ZNF548: variants seen among roughly 807,000 people sequenced by gnomAD.
ZNF548 encodes zinc finger protein 548.
A neutral mutation model predicts 10.2 loss-of-function variants in ZNF548; 10 were observed. That is an observed-to-expected ratio of 0.98 (90% CI 0.60 to 1.66). The LOEUF is 1.66. Ranked by LOEUF, ZNF548 falls within the 40% of genes most tolerant of loss-of-function variation. The probability of loss-of-function intolerance (pLI) is 0.00; values close to 1 mark genes in which losing one functional copy is unlikely to be tolerated. For missense variants in ZNF548, 599 were observed against 657.0 expected, an observed-to-expected ratio of 0.91 and a Z score of 0.97; for synonymous variants, 217 against 223.5, an observed-to-expected ratio of 0.97 and a Z score of 0.26.
chr19:57,394,098 C>G, intron 1 of ZNF548, 90 bp from the exon 2 acceptor site: 1 of 1,401,948 alleles, frequency 7.1e-7, no homozygotes, highest in Non-Finnish European at 9.8e-7. Context: ...TCAGTTTGCT[C>G]CCAGGCAGGG....
rs148815904 is a variant in ZNF548, at chr19:57,391,576, C to T, written c.15+1462C>T. ...TTGAGGTTGTACTTATTTACATTCT[C>T]ACCAACAGTGTGTAACCTTTTTCTC... On this transcript the variant is annotated intron_variant, in intron 1 of 3. Transcript: ENST00000336128. 8.2e-4 allele frequency among the ~76,000 whole-genome samples: 125 copies of T among 152,196 alleles called. 1 individual carries two copies. The East Asian group carries it at 0.021, about 26-fold the overall frequency.
In ZNF548 at chr19:57,395,422, G is replaced by A. The variant is rs1055506654; in HGVS notation, c.51+1199G>A. ...TGCTGTAAAGAACTACCTGAGACTG[G>A]GTAATTTATGAAGAAAAGAGGTTTA... On this transcript the variant is annotated intron_variant, in intron 2 of 3. Transcript: ENST00000336128. This position sits in a 1 kb window ranked among gnomAD's most constrained non-coding sequence, Gnocchi z 4.8. Among the ~76,000 whole-genome samples the A allele has an allele frequency of 3.8e-4, 58 of 152,186 alleles. No individual in the cohort carries two copies. The highest frequency in any genetic ancestry group is 1.3e-3 in the African/African-American group (54 of 41,500).
In ZNF548 at chr19:57,399,907, T is replaced by C; in HGVS notation, c.*18T>C. 6.6e-7 allele frequency: 1 copy of C among 1,507,228 alleles called. No homozygotes were observed. Among genetic ancestry groups the C allele is most frequent in the Middle Eastern group, 1.8e-4 (1 of 5,714 alleles). The allele number at this position is 1,507,228 out of a possible 1,614,324, so 93.4% of individuals were successfully genotyped here. ...ACCATTGACTATTGTAATTGGGTAG[T>C]AATGTTATATAAATTCCACATTTTT... On this transcript the variant is annotated 3_prime_UTR_variant, in exon 4 of 4. Coordinates refer to ENST00000336128, the MANE Select transcript of ZNF548 (RefSeq NM_001172773.2). The surrounding 1 kb of genome is among the most constrained non-coding windows in gnomAD (Gnocchi z 4.0).
In ZNF548 at chr19:57,402,200, G is replaced by A. The variant is rs2088722658; in HGVS notation, c.*2311G>A. The stretch of plus-strand genomic sequence containing the variant: ...CTTGGCACACTTGTCAAAATCATTT[G>A]TCCATATATGCCATGGTTTATATGT... On this transcript the variant is annotated 3_prime_UTR_variant, in exon 4 of 4. Coordinates refer to ENST00000336128, the MANE Select transcript of ZNF548 (RefSeq NM_001172773.2). The A allele has an allele frequency of 6.6e-6, 1 of 152,108 alleles. No individual in the cohort carries two copies. The highest frequency in any genetic ancestry group is 2.1e-4 in the South Asian group (1 of 4,824). The allele number at this position is 152,108 out of a possible 1,614,324, so 9.4% of individuals were successfully genotyped here.
At chr19:57,392,887 G>A (rs367580536) in intron 1 of ZNF548, 6 of 985,364 alleles carry the variant, frequency 6.1e-6, no homozygotes, top group Non-Finnish European at 7.2e-6. Context: ...TGTCCAGAAC[G>A]GTGCAGACCT....
At position 57,393,269 on chromosome 19, in the gene ZNF548, A is replaced by G. The variant is rs979422299; in HGVS notation, c.16-919A>G. Among the ~76,000 whole-genome samples the G allele has an allele frequency of 5.3e-5, 8 of 152,268 alleles. No homozygotes were observed. In the East Asian group the frequency reaches 1.5e-3, roughly 29 times the overall value. ...TTCTCTATAACTCATTAACTTAATA[A>G]TGTATGAAACACTTATTGATTTAAA... On this transcript the variant is annotated intron_variant, in intron 1 of 3. Transcript: ENST00000336128.
chr19:57,393,468 C>G (rs2088641144), intron 1 of ZNF548, among the ~76,000 whole-genome samples: 1 of 151,322 alleles, frequency 6.6e-6, no homozygotes, highest in Admixed American at 6.6e-5. Flanking sequence ...CGAGACCAGC[C>G]TGACCAACAT....
chr19:57,398,403 A>C, intron 3 of ZNF548, 27 bp from the exon 4 acceptor site: 2 of 1,604,442 alleles, frequency 1.2e-6, no homozygotes, highest in Non-Finnish European at 8.5e-7. Flanking sequence ...GTCAACATGC[A>C]CTTCTCCAGC....
At chr19:57,391,097 T>C (rs2088620849) in intron 1 of ZNF548, among the ~76,000 whole-genome samples, 1 of 152,236 alleles carries the variant, frequency 6.6e-6, no homozygotes, top group Admixed American at 6.5e-5. Context: ...TAATTTTTCA[T>C]CACTCATCTT....
chr19:57,397,811 C>T (rs2123044214), intron 3 of ZNF548, among the ~76,000 whole-genome samples: 1 of 152,308 alleles, frequency 6.6e-6, no homozygotes, highest in East Asian at 1.9e-4. Flanking sequence ...GATGTCACAG[C>T]TGGGGTCAAA....
chr19:57,395,754 T>C lies in ZNF548; in HGVS notation c.52-1294T>C, dbSNP rs2088660509. On this transcript the variant is annotated intron_variant, in intron 2 of 3. Transcript: ENST00000336128. The surrounding 1 kb of genome is among the most constrained non-coding windows in gnomAD (Gnocchi z 4.8). ...TGGGTGGGGACACAGAGCCAAACCATATCAGGAGTGGAAATATGGAGGTCA... is the reference window on the plus strand; with the variant it reads ...TGGGTGGGGACACAGAGCCAAACCACATCAGGAGTGGAAATATGGAGGTCA... 1.3e-5 allele frequency among the ~76,000 whole-genome samples: 2 copies of C among 152,024 alleles called. No individual in the cohort carries two copies. Among genetic ancestry groups the C allele is most frequent in the Admixed American group, 1.3e-4 (2 of 15,280 alleles).
At position 57,399,629 on chromosome 19, in the gene ZNF548, C is replaced by A; in HGVS notation, c.1378C>A (p.Pro460Thr). 1 of 1,614,082 alleles carries A rather than the reference C, an allele frequency of 6.2e-7. No homozygotes were observed. Among genetic ancestry groups the A allele is most frequent in the African/African-American group, 1.3e-5 (1 of 75,000 alleles). Residue 460 changes from proline to threonine, a missense_variant, in exon 4 of 4, where the codon CCT (proline) becomes ACT (threonine). Transcript: ENST00000336128. This position sits in a 1 kb window ranked among gnomAD's most constrained non-coding sequence, Gnocchi z 4.0. Reference protein sequence around the residue: ...KHWRNHTGERPYECRECGKAF... With the variant: ...KHWRNHTGERTYECRECGKAF... ...TTGGAGAAATCACACTGGAGAAAGG[C>A]CTTACGAGTGCAGAGAGTGTGGGAA...
chr19:57,394,110 A>T, intron 1 of ZNF548, 78 bp from the exon 2 acceptor site: 1 of 1,471,188 alleles, frequency 6.8e-7, no homozygotes, highest in Non-Finnish European at 9.3e-7. Flanking sequence ...CAGGCAGGGC[A>T]GACGAGGTGG....
Position 57,393,000 on chromosome 19 carries a change from G to A in ZNF548, c.16-1188G>A, listed in dbSNP as rs2088637740. 6.1e-6 allele frequency: 6 copies of A among 984,516 alleles called. No individual in the cohort carries two copies. The African/African-American group carries it at 8.7e-5, about 14-fold the overall frequency. The allele number at this position is 984,516 out of a possible 1,614,324, so 61.0% of individuals were successfully genotyped here. A position where few individuals can be genotyped will look rare whatever the true frequency, so the allele number is the denominator to read the frequency against. On this transcript the variant is annotated intron_variant, in intron 1 of 3. Transcript: ENST00000336128. Reference sequence around the variant, plus strand: ...TGAAGTGTGAGGTGGTTTCGATCCTGCACCTGCAGGCTTGGTTGACCCTCA... The same window carrying A: ...TGAAGTGTGAGGTGGTTTCGATCCTACACCTGCAGGCTTGGTTGACCCTCA...
rs997078094 is a variant in ZNF548 at position 57,402,295 on chromosome 19, G to A, written c.*2406G>A. 1.3e-5 allele frequency: 2 copies of A among 152,214 alleles called. No individual in the cohort carries two copies. The highest frequency in any genetic ancestry group is 1.5e-5 in the Non-Finnish European group (1 of 68,036). The allele number at this position is 152,214 out of a possible 1,614,324, so 9.4% of individuals were successfully genotyped here. A position where few individuals can be genotyped will look rare whatever the true frequency, so the allele number is the denominator to read the frequency against. On this transcript the variant is annotated 3_prime_UTR_variant, in exon 4 of 4. Transcript: ENST00000336128. The stretch of plus-strand genomic sequence containing the variant: ...CCACACATTTTAGGTGTGTGTGTGT[G>A]AGACTCAGTGTTGAGGACAAGGCTA...
In ZNF548 at chr19:57,390,130, C is replaced by G; in HGVS notation, c.15+16C>G. 1 of 1,607,000 alleles carries G rather than the reference C, an allele frequency of 6.2e-7. No homozygotes were observed. Among genetic ancestry groups the G allele is most frequent in the African/African-American group, 1.3e-5 (1 of 75,066 alleles). On this transcript the variant is annotated intron_variant, in intron 1 of 3. Transcript: ENST00000336128. Reference sequence around the variant, plus strand: ...CCTGACTGAGGTGGGTGTCCCGTCCCAGGCTCCCCCGCCCGACCGGTCCTC... The same window carrying G: ...CCTGACTGAGGTGGGTGTCCCGTCCGAGGCTCCCCCGCCCGACCGGTCCTC...
In ZNF548 at chr19:57,399,165, G is replaced by T; in HGVS notation, c.914G>T (p.Ser305Ile). 1 of 1,612,490 alleles carries T rather than the reference G, an allele frequency of 6.2e-7. No individual in the cohort carries two copies. Among genetic ancestry groups the T allele is most frequent in the East Asian group, 2.2e-5 (1 of 44,704 alleles). ...CNTCGKFFRY[S>I]STFVRHQRVH... ...ACATGTGGGAAATTCTTTCGGTACAGCTCCACATTTGTTAGACATCAGAGA... is the reference window on the plus strand; with the variant it reads ...ACATGTGGGAAATTCTTTCGGTACATCTCCACATTTGTTAGACATCAGAGA... The change falls in exon 4 of 4, where the codon AGC becomes ATC. Residue 305 changes from serine to isoleucine, a missense_variant. Coordinates refer to ENST00000336128, the MANE Select transcript of ZNF548 (RefSeq NM_001172773.2). The surrounding 1 kb of genome is among the most constrained non-coding windows in gnomAD (Gnocchi z 4.0).
rs1233867785 is a variant in ZNF548 at position 57,402,428 on chromosome 19, A to G, written c.*2539A>G. The G allele has an allele frequency of 6.6e-6, 1 of 152,164 alleles. No homozygotes were observed. Among genetic ancestry groups the G allele is most frequent in the Non-Finnish European group, 1.5e-5 (1 of 68,030 alleles). The allele number at this position is 152,164 out of a possible 1,614,324, so 9.4% of individuals were successfully genotyped here. The stretch of plus-strand genomic sequence containing the variant: ...CTAATGCAATCCGCTTGCCTTACCT[A>G]AGTTGTCCCCTGCAGCCTCAGGTTG... On this transcript the variant is annotated 3_prime_UTR_variant, in exon 4 of 4. Transcript: ENST00000336128.
In ZNF548 at chr19:57,395,343, A is replaced by G. The variant is rs1278710485; in HGVS notation, c.51+1120A>G. ...AATAGGGTGAGGTCGGAGAGTTGCT[A>G]ACTATCAGTTGGGAGGAGGTGAGGA... On this transcript the variant is annotated intron_variant, in intron 2 of 3. Transcript: ENST00000336128. The surrounding 1 kb of genome is among the most constrained non-coding windows in gnomAD (Gnocchi z 4.8). Among the ~76,000 whole-genome samples, 1 of 152,116 alleles carries G rather than the reference A, an allele frequency of 6.6e-6. No homozygotes were observed. Among genetic ancestry groups the G allele is most frequent in the Non-Finnish European group, 1.5e-5 (1 of 68,016 alleles).
Sources: gnomAD v4.1 joint callset for allele counts (sites outside exome capture counted in the v4.1 genomes callset) on GRCh38, gnomAD v4.1.1 for gene constraint, Gnocchi (gnomAD v3.1) non-coding constraint, MANE v1.5 for transcripts, NCBI Gene and HGNC (gene_info 2026-07-23, HGNC 2026-07-21) for gene names.